Variants in SMC6 observed in about 807,000 individuals in gnomAD.
SMC6 encodes structural maintenance of chromosomes protein 6.
In SMC6, 79 loss-of-function variants were observed where a neutral mutation model predicts 142.2. That is an observed-to-expected ratio of 0.56 (90% CI 0.46 to 0.67). SMC6 has a LOEUF of 0.67. SMC6 is among the 30% of genes least tolerant of loss of function. SMC6 has a pLI of 0.00. For missense variants in SMC6, 1,072 were observed against 1,284.0 expected (o/e 0.83, Z 2.52); for synonymous variants, 411 against 412.4 (o/e 1.00, Z 0.04).
intron 23 of SMC6, among the ~76,000 whole-genome samples, chr2:17,692,418 T>C (rs1390316630): frequency 6.6e-6 from 1 of 152,220 alleles, no homozygotes; most frequent in Non-Finnish European, 1.5e-5. Context: ...TACAACTATC[T>C]GATTTTTGAC....
At chr2:17,694,833 A>G (rs1667914997) in intron 23 of SMC6, among the ~76,000 whole-genome samples, 1 of 152,180 alleles carries the variant, frequency 6.6e-6, no homozygotes, top group East Asian at 1.9e-4. Context: ...AATTTGATGT[A>G]TTTGAAAAAT....
intron 25 of SMC6, among the ~76,000 whole-genome samples, chr2:17,673,600 G>A (rs796496677): frequency 8.1e-5 from 12 of 147,284 alleles, no homozygotes; most frequent in African/African-American, 2.3e-4. Context: ...ACAGAGTTTC[G>A]CTCTTATTGC....
chr2:17,706,663 T>A (rs923705498), intron 18 of SMC6, among the ~76,000 whole-genome samples: 4 of 152,198 alleles, frequency 2.6e-5, no homozygotes, highest in African/African-American at 4.8e-5. Context: ...GGGTTGTTTT[T>A]TGATACCAAA....
At chr2:17,722,728 C>A (rs559697183) in intron 9 of SMC6, among the ~76,000 whole-genome samples, 9 of 152,280 alleles carry the variant, frequency 5.9e-5, no homozygotes, top group Non-Finnish European at 8.8e-5. Flanking sequence ...GGTTCCTTCT[C>A]AAAATCTCTC....
rs1668352309 is a variant in SMC6, at chr2:17,703,184, C to A, written c.2115G>T (p.Arg705Ser). ...TTAGTTCTTTATAATGTAGTTGGCA[C>A]CTTTTAAGAAGTTCCTCATTGTGTT... is the stretch of plus-strand genomic sequence containing the variant. ...DIKHNEELLK[R>S]CQLHYKELKM... Residue 705 changes from arginine (R) to serine (S), a missense_variant, in exon 19 of 28, where the codon AGG becomes AGT. Physicochemically the swap from Arg to Ser is moderately radical, Grantham distance 110. This residue lies in a region of SMC6 where 994 missense variants were observed against 1,153.2 expected (regional missense o/e 0.86). Transcript: ENST00000448223. 1 of 1,505,948 alleles carries A rather than the reference C, an allele frequency of 6.6e-7. No individual in the cohort carries two copies. The highest frequency in any genetic ancestry group is 1.4e-5 in the African/African-American group (1 of 70,822). 93.3% of individuals were successfully genotyped at this position (1,505,948 alleles called of 1,614,324 possible).
chr2:17,673,810 C>G lies in SMC6; in HGVS notation c.2911-3235G>C, dbSNP rs529374856. On this transcript the variant is annotated intron_variant, in intron 25 of 27. Coordinates refer to ENST00000448223, the MANE Select transcript of SMC6 (RefSeq NM_001142286.2). ...TCTCAAACTCCCCACCTCAGATGAT[C>G]CACCCACCTCAGCCTCCCAAAGTGC... 2.6e-5 allele frequency among the ~76,000 whole-genome samples: 4 copies of G among 152,016 alleles called. No homozygotes were observed. In the South Asian group the frequency reaches 8.3e-4, roughly 32 times the overall value.
chr2:17,694,010 AAAAAAAAAAAAAAAG>A (rs1011283859), intron 23 of SMC6, among the ~76,000 whole-genome samples: 1 of 146,622 alleles, frequency 6.8e-6, no homozygotes, highest in Non-Finnish European at 1.5e-5. Context: ...CAAAAAAAAA[AAAAAAAAAAAAAAAG>A]AATGAAATCC....
chr2:17,699,957 G>T (rs915242286), intron 21 of SMC6, among the ~76,000 whole-genome samples: 1 of 151,022 alleles, frequency 6.6e-6, no homozygotes, highest in African/African-American at 2.4e-5. Flanking sequence ...TCATAAAAAG[G>T]TGAAAAAAAA....
intron 16 of SMC6, among the ~76,000 whole-genome samples, chr2:17,714,611 G>A (rs575079233): frequency 2.7e-4 from 41 of 152,176 alleles, no homozygotes; most frequent in African/African-American, 9.6e-4. Context: ...CCTCACTGGT[G>A]TAATTTCTAA....
intron 1 of SMC6, among the ~76,000 whole-genome samples, 172 bp downstream of exon 1, chr2:17,753,454 C>A (rs1016115288): frequency 1.5e-5 from 2 of 130,152 alleles, no homozygotes; most frequent in Non-Finnish European, 3.4e-5. Flanking sequence ...CCGCCCGACC[C>A]GCCCGAGGAA....
At chr2:17,715,172 G>T in intron 15 of SMC6, 107 bp from the exon 16 acceptor site, 1 of 1,055,044 alleles carries the variant, frequency 9.5e-7, no homozygotes, top group Non-Finnish European at 1.4e-6. Flanking sequence ...TTTATATAAA[G>T]CAGTTTAAAT....
At chr2:17,680,553 T>C (rs1667194607) in intron 24 of SMC6, 1 of 152,202 alleles carries the variant, frequency 6.6e-6, no homozygotes, top group African/African-American at 2.4e-5. Flanking sequence ...ACTTGAAAGT[T>C]AAAATTACTC....
At chr2:17,743,029 A>G (rs753433203) in intron 3 of SMC6, among the ~76,000 whole-genome samples, 1 of 152,080 alleles carries the variant, frequency 6.6e-6, no homozygotes, top group Non-Finnish European at 1.5e-5. Context: ...AACAGACAAA[A>G]TGTAGCCTCT....
chr2:17,671,033 T>C (rs1275887138), intron 25 of SMC6, among the ~76,000 whole-genome samples: 1 of 145,940 alleles, frequency 6.9e-6, no homozygotes, highest in East Asian at 2.0e-4. Context: ...AGCTAATTTT[T>C]GTGTTTTTTT....
In SMC6 at chr2:17,678,949, T is replaced by C. The variant is rs1221263614; in HGVS notation, c.2820A>G (p.Arg940=). The C allele has an allele frequency of 5.6e-6, 9 of 1,611,040 alleles. No individual in the cohort carries two copies. Among genetic ancestry groups the C allele is most frequent in the Non-Finnish European group, 7.6e-6 (9 of 1,178,798 alleles). The part of the protein sequence containing the change: ...YQQFRRCLTL[R]CKLYFDNLLS... ...GTAAGTTGTCAAAGTATAATTTGCA[T>C]CGTAAAGTCAAACACCTTGAAATTT... Residue 940 remains arginine, a synonymous_variant, in exon 25 of 28, where the codon CGA becomes CGG. Transcript: ENST00000448223.
intron 16 of SMC6, among the ~76,000 whole-genome samples, chr2:17,709,260 A>G (rs1668698496): frequency 6.6e-6 from 1 of 152,184 alleles, no homozygotes; most frequent in Non-Finnish European, 1.5e-5. Context: ...CAATTATTTA[A>G]AATTCATTAT....
At position 17,688,075 on chromosome 2, in the gene SMC6, T is replaced by C. The variant is rs115019251; in HGVS notation, c.2679-4312A>G. ...AAGGTTAAAAAGCCCTTTGTGGGAC[T>C]GGACTGCCACTGGAGACACCAATAC... On this transcript the variant is annotated intron_variant, in intron 23 of 27. Coordinates refer to ENST00000448223, the MANE Select transcript of SMC6 (RefSeq NM_001142286.2). 4.9e-3 allele frequency among the ~76,000 whole-genome samples: 741 copies of C among 152,252 alleles called. 13 individuals carry two copies. The highest frequency in any genetic ancestry group is 0.017 in the African/African-American group (701 of 41,544).
intron 19 of SMC6, 24 bp downstream of exon 19, chr2:17,703,133 G>A (rs1290552873): frequency 1.6e-6 from 2 of 1,274,980 alleles, no homozygotes; most frequent in East Asian, 5.2e-5. Flanking sequence ...AACAAAAGAA[G>A]GTTTATTATT....
intron 2 of SMC6, among the ~76,000 whole-genome samples, chr2:17,751,005 C>CAAAAAAAAAAAA (rs34661130): frequency 1.9e-5 from 1 of 53,788 alleles, no homozygotes; most frequent in Non-Finnish European, 3.1e-5. Flanking sequence ...ACAGCTGTCT[C>CAAAAAAAAAAAA]AAAAAAAAAA....
Sources: gnomAD v4.1 joint callset for allele counts (sites outside exome capture counted in the v4.1 genomes callset) on GRCh38, gnomAD v4.1.1 for gene constraint, gnomAD v4.1.1 regional missense constraint, MANE v1.5 for transcripts, NCBI Gene and HGNC (gene_info 2026-07-23, HGNC 2026-07-21) for gene names.